The following BCL11A variants were observed in gnomAD, a reference collection of about 807,000 sequenced individuals.
BCL11A encodes B cell CLL/lymphoma 11A.
Under a neutral mutation model 55.9 loss-of-function variants are expected in BCL11A, and 2 were observed. The observed-to-expected ratio is 0.04, with a 90% CI of 0.01 to 0.11. BCL11A has a LOEUF of 0.11. Ranked by LOEUF, BCL11A falls within the 10% of genes least tolerant of loss-of-function variation. The pLI, the probability that BCL11A is intolerant of heterozygous loss-of-function variation, is 1.00. For missense variants in BCL11A, 817 were observed against 1,137.1 expected (o/e 0.72, Z 4.05); for synonymous variants, 465 against 473.4 (o/e 0.98, Z 0.23).
intron 2 of BCL11A, among the ~76,000 whole-genome samples, chr2:60,531,941 T>C (rs1669475210): frequency 1.3e-5 from 2 of 152,256 alleles, no homozygotes; most frequent in East Asian, 1.9e-4. Flanking sequence ...TAGGGCACCA[T>C]GAGCATCTGG....
chr2:60,466,527 C>T lies in BCL11A; in HGVS notation c.487+2205G>A, dbSNP rs997837070. ...GATGAGGTGCTTTTAACCCCTGAAC[C>T]ACCCAGCCCTCAGGACCTGAGGGCT... On this transcript the variant is annotated intron_variant, in intron 3 of 3. Transcript: ENST00000642384. 3.3e-5 allele frequency among the ~76,000 whole-genome samples: 5 copies of T among 152,184 alleles called. No individual in the cohort carries two copies. The East Asian group carries it at 9.6e-4, about 29-fold the overall frequency.
chr2:60,477,958 C>CTT (rs79276518), intron 2 of BCL11A, among the ~76,000 whole-genome samples: 14 of 138,504 alleles, frequency 1.0e-4, no homozygotes, highest in African/African-American at 3.5e-4. Context: ...TTATGGAAAG[C>CTT]TTTTTTTTTT....
Position 60,457,803 on chromosome 2 carries a change from G to A in BCL11A, c.*2601C>T. 9.6e-7 allele frequency: 1 copy of A among 1,045,538 alleles called. No homozygotes were observed. The highest frequency in any genetic ancestry group is 1.2e-6 in the Non-Finnish European group (1 of 866,838). 64.8% of individuals were successfully genotyped at this position (1,045,538 alleles called of 1,614,324 possible). A position where few individuals can be genotyped will look rare whatever the true frequency, so the allele number is the denominator to read the frequency against. ...AACAAACCAACGTTATTAGCTTGCA[G>A]TACTGCATACAGTATGGCAGCAGGA... On this transcript the variant is annotated 3_prime_UTR_variant, in exon 4 of 4. Transcript: ENST00000642384.
intron 2 of BCL11A, chr2:60,484,595 C>T (rs866522549): frequency 6.6e-6 from 1 of 151,848 alleles, no homozygotes; most frequent in African/African-American, 2.4e-5. Context: ...TTTTTTGCAC[C>T]GGTCAGCAGC....
chr2:60,508,062 T>C (rs1679746224), intron 2 of BCL11A, among the ~76,000 whole-genome samples: 1 of 151,956 alleles, frequency 6.6e-6, no homozygotes, highest in Non-Finnish European at 1.5e-5. Context: ...AAAAAAGAAA[T>C]CACAATAAAC....
At position 60,461,436 on chromosome 2, in the gene BCL11A, C is replaced by CTCG; in HGVS notation, c.1473_1475dup (p.Asp491dup). 1 of 1,603,986 alleles carries CTCG rather than the reference C, an allele frequency of 6.2e-7. No homozygotes were observed. On this transcript the variant is annotated inframe_insertion, in exon 4 of 4. Transcript: ENST00000642384. ...CCTCTTCCTCCTCTTCTTCCTCTTC[C>CTCG]TCGTCGTCCTCCTCTTCCTCCTCGT...
At chr2:60,494,701 A>G (rs1184728666) in intron 2 of BCL11A, among the ~76,000 whole-genome samples, 1 of 152,210 alleles carries the variant, frequency 6.6e-6, no homozygotes, top group Non-Finnish European at 1.5e-5. Context: ...TATGCTTCAT[A>G]GGGTTTGTAT....
At chr2:60,514,587 G>A (rs1050534934) in intron 2 of BCL11A, among the ~76,000 whole-genome samples, 1 of 150,586 alleles carries the variant, frequency 6.6e-6, no homozygotes, top group Non-Finnish European at 1.5e-5. Context: ...AGAATCACTT[G>A]AACCTGGGAG....
chr2:60,461,766 G>A lies in BCL11A; in HGVS notation c.1146C>T (p.Cys382=). 2 of 1,609,176 alleles carry A rather than the reference G, an allele frequency of 1.2e-6. No individual in the cohort carries two copies. Among genetic ancestry groups the A allele is most frequent in the Non-Finnish European group, 1.7e-6 (2 of 1,178,398 alleles). ...PPVKSKSCEF[C]GKTFKFQSNL... ...TGCTCTGAAATTTGAACGTCTTGCC[G>A]CAGAACTCGCATGACTTGGACTTGA... Residue 382 remains cysteine, a synonymous_variant, in exon 4 of 4, where the codon TGC becomes TGT. Transcript: ENST00000642384.
In BCL11A at chr2:60,461,124, G is replaced by C. The variant is rs1161300688; in HGVS notation, c.1788C>G (p.Arg596=). ...DEDSVAGESD[R]IDDGTVNGRG... is the part of the protein sequence containing the mutation. ...GGCCATTAACAGTGCCATCGTCTAT[G>C]CGGTCCGACTCGCCGGCCACCGAGT... The change falls in exon 4 of 4, where the codon CGC becomes CGG. Residue 596 remains arginine, a synonymous_variant. Coordinates refer to ENST00000642384, the MANE Select transcript of BCL11A (RefSeq NM_022893.4). 6.2e-7 allele frequency: 1 copy of C among 1,610,492 alleles called. No homozygotes were observed. The highest frequency in any genetic ancestry group is 8.5e-7 in the Non-Finnish European group (1 of 1,178,952).
In BCL11A at chr2:60,461,787, C is replaced by T. The variant is rs919365028; in HGVS notation, c.1125G>A (p.Lys375=). 28 of 1,595,016 alleles carry T rather than the reference C, an allele frequency of 1.8e-5. No homozygotes were observed. Among genetic ancestry groups the T allele is most frequent in the Non-Finnish European group, 2.2e-5 (26 of 1,171,614 alleles). Residue 375 remains lysine (K), a synonymous_variant, in exon 4 of 4, where the codon AAG becomes AAA. Coordinates refer to ENST00000642384, the MANE Select transcript of BCL11A (RefSeq NM_022893.4). ...TGCCGCAGAACTCGCATGACTTGGA[C>T]TTGACCGGGGGCTGGGAGGGAGGAG... ...SAPPPSQPPV[K]SKSCEFCGKT...
chr2:60,527,142 G>A (rs1669240807), intron 2 of BCL11A: 1 of 152,130 alleles, frequency 6.6e-6, no homozygotes, highest in Non-Finnish European at 1.5e-5. Context: ...CATCAAATTT[G>A]TGCTTACCTA....
intron 2 of BCL11A, among the ~76,000 whole-genome samples, chr2:60,532,246 AAGAC>A (rs1429697878): frequency 2.0e-5 from 3 of 151,956 alleles, no homozygotes; most frequent in Admixed American, 1.3e-4. Context: ...TCAAGGCACA[AAGAC>A]AGTCTATCTC....
chr2:60,459,102 G>A lies in BCL11A; in HGVS notation c.*1302C>T. The A allele has an allele frequency of 2.9e-6, 3 of 1,019,726 alleles. No individual in the cohort carries two copies. The highest frequency in any genetic ancestry group is 3.5e-6 in the Non-Finnish European group (3 of 848,926). The allele number at this position is 1,019,726 out of a possible 1,614,324, so 63.2% of individuals were successfully genotyped here. ...TATATACCTGTTCTAGTTTTAAATGGCAAATAGTACCACGTTGTGCTAATA... is the reference window on the plus strand; with the variant it reads ...TATATACCTGTTCTAGTTTTAAATGACAAATAGTACCACGTTGTGCTAATA... On this transcript the variant is annotated 3_prime_UTR_variant, in exon 4 of 4. Transcript: ENST00000642384.
chr2:60,451,024 T>G (rs1675703320), downstream of BCL11A: 1 of 176,166 alleles, frequency 5.7e-6, no homozygotes, highest in Non-Finnish European at 1.2e-5. Context: ...TCTCTCTTAC[T>G]GATGTGGCCT....
At chr2:60,498,717 G>A (rs1441329053) in intron 2 of BCL11A, among the ~76,000 whole-genome samples, 3 of 152,192 alleles carry the variant, frequency 2.0e-5, no homozygotes, top group Non-Finnish European at 2.9e-5. Flanking sequence ...AGGTGACAAG[G>A]GGAGAAACCA....
chr2:60,452,864 A>C (rs1675784004), downstream of BCL11A: 1 of 515,330 alleles, frequency 1.9e-6, no homozygotes, highest in Non-Finnish European at 3.5e-6. Flanking sequence ...TCGTCTTCCC[A>C]TGCCTCCCTC....
chr2:60,460,806 C>T lies in BCL11A; in HGVS notation c.2106G>A (p.Pro702=), dbSNP rs1461539448. The change falls in exon 4 of 4, where the codon CCG becomes CCA. Residue 702 remains proline, a synonymous_variant. Transcript: ENST00000642384. The stretch of plus-strand genomic sequence containing the variant: ...AGATCCCTCCGTCCAGCTCCCCGGG[C>T]GGTGTGGAGAAGCGCAAACTCCCGT... The part of the protein sequence containing the change: ...SENGSLRFST[P]PGELDGGISG... The T allele has an allele frequency of 1.9e-6, 3 of 1,612,812 alleles. No homozygotes were observed. Among genetic ancestry groups the T allele is most frequent in the Non-Finnish European group, 1.7e-6 (2 of 1,180,026 alleles).
At position 60,540,212 on chromosome 2, in the gene BCL11A, C is replaced by A. The variant is rs140249463; in HGVS notation, c.385+5759G>T. ...TGAAATCTGAACAAGCAGAAAGGTACTAAAGATGCTTGGTGATTAAATCTC... is the reference window on the plus strand; with the variant it reads ...TGAAATCTGAACAAGCAGAAAGGTAATAAAGATGCTTGGTGATTAAATCTC... On this transcript the variant is annotated intron_variant, in intron 2 of 3. Transcript: ENST00000642384. 1.6e-3 allele frequency among the ~76,000 whole-genome samples: 244 copies of A among 152,106 alleles called. 1 individual carries two copies. Among genetic ancestry groups the A allele is most frequent in the African/African-American group, 5.6e-3 (231 of 41,480 alleles).
Sources: gnomAD v4.1 joint callset for allele counts (sites outside exome capture counted in the v4.1 genomes callset) on GRCh38, gnomAD v4.1.1 for gene constraint, MANE v1.5 for transcripts, NCBI Gene and HGNC (gene_info 2026-07-23, HGNC 2026-07-21) for gene names.